SEMA5B: variants seen among roughly 807,000 people sequenced by gnomAD.
SEMA5B encodes semaphorin-5B.
A neutral mutation model predicts 135.0 loss-of-function variants in SEMA5B; 66 were observed. That is an observed-to-expected ratio of 0.49 (90% confidence interval 0.40 to 0.60). The LOEUF (loss-of-function observed/expected upper bound fraction) is 0.60. Ranked by LOEUF, SEMA5B falls within the 20% of genes least tolerant of loss-of-function variation. The pLI is 0.00. For missense variants in SEMA5B, 1,501 were observed against 1,566.3 expected (o/e 0.96, Z 0.70); for synonymous variants, 690 against 639.5 (o/e 1.08, Z -1.19).
chr3:122,932,267 TTTTG>T (rs1449164910), intron 5 of SEMA5B, among the ~76,000 whole-genome samples: 1 of 128,848 alleles, frequency 7.8e-6, no homozygotes, highest in African/African-American at 3.0e-5. Flanking sequence ...TTTTTTTTTT[TTTTG>T]GAGAGAAGGT....
chr3:122,987,814 A>G (rs1941748437), intron 1 of SEMA5B, among the ~76,000 whole-genome samples: 1 of 152,140 alleles, frequency 6.6e-6, no homozygotes, highest in African/African-American at 2.4e-5. Context: ...GGACATAAGT[A>G]GTGAGTTTTG....
At chr3:122,918,531 GA>G (rs1938188943) in intron 12 of SEMA5B, among the ~76,000 whole-genome samples, 1 of 152,208 alleles carries the variant, frequency 6.6e-6, no homozygotes, top group African/African-American at 2.4e-5. Context: ...CAAGCCAAGG[GA>G]TGAAGTGTCT....
chr3:122,928,027 A>C, intron 7 of SEMA5B, 24 bp from the exon 8 acceptor site: 1 of 1,427,450 alleles, frequency 7.0e-7, no homozygotes, highest in Non-Finnish European at 9.3e-7. Flanking sequence ...GGAGAAGGGG[A>C]CACTTTTCCC....
intron 1 of SEMA5B, among the ~76,000 whole-genome samples, chr3:122,966,685 G>A (rs540267063): frequency 5.5e-4 from 83 of 150,374 alleles, no homozygotes; most frequent in Non-Finnish European, 9.8e-4. Context: ...CTCCCAAGTA[G>A]CTGGGACTAC....
chr3:122,985,613 G>A (rs1941673632), intron 1 of SEMA5B, among the ~76,000 whole-genome samples: 1 of 152,114 alleles, frequency 6.6e-6, no homozygotes, highest in Non-Finnish European at 1.5e-5. Context: ...AGGTAAAAGG[G>A]GAATGGCCAC....
At chr3:123,021,325 G>C (rs1035847426) in intron 1 of SEMA5B, among the ~76,000 whole-genome samples, 9 of 152,320 alleles carry the variant, frequency 5.9e-5, no homozygotes, top group Admixed American at 5.2e-4. Context: ...GCCTCTCAGA[G>C]AGGGCTCCTA....
intron 1 of SEMA5B, among the ~76,000 whole-genome samples, chr3:123,015,222 G>A (rs554819178): frequency 1.3e-4 from 20 of 152,178 alleles, no homozygotes; most frequent in Non-Finnish European, 2.8e-4. Flanking sequence ...CCTCAGTGTG[G>A]GGTGTTTTGT....
chr3:123,008,734 G>C (rs990070064), intron 1 of SEMA5B, among the ~76,000 whole-genome samples: 2 of 152,208 alleles, frequency 1.3e-5, no homozygotes, highest in African/African-American at 4.8e-5. Flanking sequence ...GTTAGGTGCA[G>C]GTTTCTGGAG....
At chr3:122,932,146 A>G (rs746177975) in intron 5 of SEMA5B, among the ~76,000 whole-genome samples, 93 of 152,066 alleles carry the variant, frequency 6.1e-4, no homozygotes, top group Middle Eastern at 6.8e-3. Context: ...CTTGGACTGA[A>G]TAATTGTCTT....
At chr3:122,951,357 T>A (rs969433134) in intron 2 of SEMA5B, among the ~76,000 whole-genome samples, 4 of 152,174 alleles carry the variant, frequency 2.6e-5, no homozygotes, top group Admixed American at 6.5e-5. Context: ...AGTAGCAAAA[T>A]GGGAATCAAG....
At chr3:122,951,852 C>T (rs1020633520) in intron 2 of SEMA5B, among the ~76,000 whole-genome samples, 2 of 152,180 alleles carry the variant, frequency 1.3e-5, no homozygotes, top group African/African-American at 4.8e-5. Flanking sequence ...TCTCTCTTCC[C>T]TTCCTACTGC....
intron 1 of SEMA5B, among the ~76,000 whole-genome samples, chr3:122,971,731 G>T (rs1047125143): frequency 1.3e-5 from 2 of 152,226 alleles, no homozygotes; most frequent in Non-Finnish European, 2.9e-5. Flanking sequence ...CTTCCCCAAG[G>T]CTTTCTGGAA....
In SEMA5B at chr3:122,909,974, T is replaced by C. The variant is rs1334950715; in HGVS notation, c.*169A>G. Reference sequence around the variant, plus strand: ...AGCCTGAAACCAGCCCTTTCCCCCATGGTCAATGCCAGCCAGAGCTCTCTG... The same window carrying C: ...AGCCTGAAACCAGCCCTTTCCCCCACGGTCAATGCCAGCCAGAGCTCTCTG... On this transcript the variant is annotated 3_prime_UTR_variant, in exon 23 of 23. Coordinates refer to ENST00000357599, the MANE Select transcript of SEMA5B (RefSeq NM_001031702.4). 4 of 673,286 alleles carry C rather than the reference T, an allele frequency of 5.9e-6. No individual in the cohort carries two copies. The East Asian group carries it at 8.3e-5, about 14-fold the overall frequency. 41.7% of individuals were successfully genotyped at this position (673,286 alleles called of 1,614,324 possible). A position where few individuals can be genotyped will look rare whatever the true frequency, so the allele number is the denominator to read the frequency against.
chr3:123,010,367 G>A (rs1329126402), intron 1 of SEMA5B, among the ~76,000 whole-genome samples: 3 of 152,180 alleles, frequency 2.0e-5, no homozygotes, highest in African/African-American at 7.2e-5. Flanking sequence ...ACCAAACTCA[G>A]AACTTAGTAA....
intron 1 of SEMA5B, among the ~76,000 whole-genome samples, chr3:122,994,879 G>T (rs954332457): frequency 6.6e-6 from 1 of 152,232 alleles, no homozygotes; most frequent in African/African-American, 2.4e-5. Flanking sequence ...CCTCAGAGAT[G>T]CTGGATCCTT....
chr3:122,917,415 T>C (rs774133454), intron 12 of SEMA5B, among the ~76,000 whole-genome samples: 1 of 152,174 alleles, frequency 6.6e-6, no homozygotes, highest in Non-Finnish European at 1.5e-5. Flanking sequence ...GCTAAAGAGA[T>C]ACACCAAGAA....
intron 1 of SEMA5B, among the ~76,000 whole-genome samples, chr3:122,997,798 C>T (rs913335898): frequency 1.3e-5 from 2 of 152,064 alleles, no homozygotes; most frequent in East Asian, 1.9e-4. Context: ...GGAAGCTCAT[C>T]GGCCTGAGGC....
At chr3:122,949,638 G>C (rs1939958267) in intron 2 of SEMA5B, among the ~76,000 whole-genome samples, 1 of 152,188 alleles carries the variant, frequency 6.6e-6, no homozygotes, top group Non-Finnish European at 1.5e-5. Flanking sequence ...GTATGGCTCA[G>C]GAGTCATTCA....
At chr3:122,946,775 A>G (rs932687698) in intron 3 of SEMA5B, among the ~76,000 whole-genome samples, 5 of 152,188 alleles carry the variant, frequency 3.3e-5, no homozygotes, top group East Asian at 1.9e-4. Flanking sequence ...GCAGGGCCCA[A>G]TAAAAATTCA....
Sources: gnomAD v4.1 joint callset for allele counts (sites outside exome capture counted in the v4.1 genomes callset) on GRCh38, gnomAD v4.1.1 for gene constraint, MANE v1.5 for transcripts, NCBI Gene and HGNC (gene_info 2026-07-23, HGNC 2026-07-21) for gene names.